Variants in RAI14 observed in about 807,000 individuals in gnomAD.
RAI14 encodes the protein retinoic acid induced 14.
Under a neutral mutation model 115.4 loss-of-function variants are expected in RAI14, and 45 were observed. The ratio of observed to expected loss-of-function variants is 0.39; its 90% CI spans 0.31 to 0.50. The LOEUF is 0.50. RAI14 is among the 20% of genes least tolerant of loss of function. The probability of loss-of-function intolerance (pLI) is 0.85; values close to 1 mark genes in which losing one functional copy is unlikely to be tolerated. For missense variants in RAI14, 939 were observed against 1,131.2 expected (o/e 0.83, Z 2.44); for synonymous variants, 371 against 415.4 (o/e 0.89, Z 1.30).
In RAI14 at chr5:34,665,198, TAC is replaced by T. The variant is rs1554037661; in HGVS notation, c.-49+8730_-49+8731del. On this transcript the variant is annotated intron_variant, in intron 1 of 17. Coordinates refer to ENST00000265109, the MANE Select transcript of RAI14 (RefSeq NM_015577.3). Reference sequence around the variant, plus strand: ...ACACACATATATATATGTATATATATACACACACCACAGTTTCTTTATCCACT... The same window carrying T: ...ACACACATATATATATGTATATATATACACACCACAGTTTCTTTATCCACT... 3.4e-4 allele frequency among the ~76,000 whole-genome samples: 26 copies of T among 75,708 alleles called. 6 individuals are homozygous for T. Among genetic ancestry groups the T allele is most frequent in the South Asian group, 1.3e-3 (3 of 2,316 alleles). The allele number at this position is 75,708 out of a possible 152,430, so 49.7% of individuals were successfully genotyped here. A position where few individuals can be genotyped will look rare whatever the true frequency, so the allele number is the denominator to read the frequency against.
chr5:34,817,593 A>G (rs538085224), intron 12 of RAI14, among the ~76,000 whole-genome samples: 2 of 152,364 alleles, frequency 1.3e-5, no homozygotes, highest in African/African-American at 4.8e-5. Context: ...AGCAAACCAA[A>G]TGTCCATGAA....
chr5:34,745,510 C>G (rs1188062265), intron 2 of RAI14, among the ~76,000 whole-genome samples: 2 of 152,168 alleles, frequency 1.3e-5, no homozygotes, highest in African/African-American at 4.8e-5. Context: ...AGGACCAGTC[C>G]CTGGACCTTG....
intron 3 of RAI14, among the ~76,000 whole-genome samples, chr5:34,767,840 G>T (rs960875713): frequency 1.3e-5 from 2 of 151,752 alleles, no homozygotes; most frequent in African/African-American, 4.8e-5. Context: ...GAAAGGAATT[G>T]TTTCTTATTA....
At chr5:34,730,653 G>T (rs1744059557) in intron 2 of RAI14, among the ~76,000 whole-genome samples, 1 of 151,892 alleles carries the variant, frequency 6.6e-6, no homozygotes, top group Admixed American at 6.6e-5. Context: ...TCCAGCTTGG[G>T]AGACAAACTG....
intron 4 of RAI14, among the ~76,000 whole-genome samples, chr5:34,797,186 A>C (rs944595987): frequency 5.9e-5 from 9 of 152,342 alleles, no homozygotes; most frequent in Middle Eastern, 6.8e-3. Context: ...ATTAGTGTTT[A>C]CTGGGATACA....
chr5:34,682,145 G>A (rs892359783), intron 1 of RAI14, among the ~76,000 whole-genome samples: 1 of 152,054 alleles, frequency 6.6e-6, no homozygotes, highest in Non-Finnish European at 1.5e-5. Flanking sequence ...ATGAGCCACC[G>A]TACCTGGCTA....
At chr5:34,769,701 G>T (rs894793713) in intron 3 of RAI14, among the ~76,000 whole-genome samples, 2 of 152,092 alleles carry the variant, frequency 1.3e-5, no homozygotes, top group African/African-American at 4.8e-5. Flanking sequence ...GCAGAGTTGA[G>T]ACCAAAATCA....
intron 1 of RAI14, among the ~76,000 whole-genome samples, chr5:34,671,037 C>T (rs894386029): frequency 6.6e-6 from 1 of 152,152 alleles, no homozygotes; most frequent in Non-Finnish European, 1.5e-5. Context: ...TCAGCCTCCA[C>T]TACAGAAAAC....
chr5:34,752,394 C>T (rs950011092), intron 2 of RAI14, among the ~76,000 whole-genome samples: 4 of 152,038 alleles, frequency 2.6e-5, no homozygotes, highest in Non-Finnish European at 5.9e-5. Flanking sequence ...GTTCTCAGGG[C>T]CTTCAGGGAG....
chr5:34,707,264 C>T (rs187331037), intron 2 of RAI14, among the ~76,000 whole-genome samples: 4 of 152,238 alleles, frequency 2.6e-5, no homozygotes, highest in East Asian at 3.9e-4. Context: ...GTCAGGAGTT[C>T]GAGACTAGCC....
At chr5:34,715,532 C>G (rs968592809) in intron 2 of RAI14, among the ~76,000 whole-genome samples, 1 of 152,196 alleles carries the variant, frequency 6.6e-6, no homozygotes, top group Non-Finnish European at 1.5e-5. Flanking sequence ...ATTCCTGTCT[C>G]GCTTTGACTT....
chr5:34,756,973 A>G (rs1303844453), intron 2 of RAI14, among the ~76,000 whole-genome samples: 1 of 152,198 alleles, frequency 6.6e-6, no homozygotes, highest in Non-Finnish European at 1.5e-5. Context: ...CTCAAAATTC[A>G]GGGCCTGGTA....
At chr5:34,804,978 G>T (rs1253784528) in intron 5 of RAI14, among the ~76,000 whole-genome samples, 1 of 152,148 alleles carries the variant, frequency 6.6e-6, no homozygotes, top group Non-Finnish European at 1.5e-5. Flanking sequence ...CTGACAAGCT[G>T]GATGTTCTCG....
rs752686610 is a variant in RAI14 at position 34,810,878 on chromosome 5, C to A, written c.451-134C>A. ...GTGACTCTATAGGGGTACAGAATATCAGGTTGGACCAGATACTAGATCAGC... is the reference window on the plus strand; with the variant it reads ...GTGACTCTATAGGGGTACAGAATATAAGGTTGGACCAGATACTAGATCAGC... On this transcript the variant is annotated intron_variant, in intron 7 of 17. Transcript: ENST00000265109. The A allele has an allele frequency of 8.0e-4, 1,070 of 1,340,152 alleles. 7 individuals carry two copies. Among genetic ancestry groups the A allele is most frequent in the Middle Eastern group, 1.1e-3 (6 of 5,220 alleles). 83.0% of individuals were successfully genotyped at this position (1,340,152 alleles called of 1,614,324 possible). A position where few individuals can be genotyped will look rare whatever the true frequency, so the allele number is the denominator to read the frequency against.
chr5:34,761,593 C>T (rs535913397), intron 3 of RAI14, among the ~76,000 whole-genome samples: 25 of 152,140 alleles, frequency 1.6e-4, no homozygotes, highest in Non-Finnish European at 3.1e-4. Flanking sequence ...GCCCCACTTA[C>T]CTACATCCTG....
At chr5:34,664,607 CTTAA>C (rs1254207905) in intron 1 of RAI14, among the ~76,000 whole-genome samples, 3 of 151,678 alleles carry the variant, frequency 2.0e-5, no homozygotes, top group Non-Finnish European at 2.9e-5. Flanking sequence ...GTTCAATTTG[CTTAA>C]TTAATTTATT....
chr5:34,728,981 T>C (rs1182567317), intron 2 of RAI14, among the ~76,000 whole-genome samples: 3 of 152,270 alleles, frequency 2.0e-5, no homozygotes, highest in African/African-American at 7.2e-5. Flanking sequence ...TTATAAAATG[T>C]CTGAATTTTG....
intron 2 of RAI14, among the ~76,000 whole-genome samples, chr5:34,691,078 T>C (rs1738528999): frequency 6.6e-6 from 1 of 152,020 alleles, no homozygotes; most frequent in Non-Finnish European, 1.5e-5. Context: ...ATGGGAGAAT[T>C]TGGGGAGCTT....
chr5:34,661,758 G>A (rs137937584), intron 1 of RAI14, among the ~76,000 whole-genome samples: 164 of 152,290 alleles, frequency 1.1e-3, no homozygotes, highest in Middle Eastern at 3.4e-3. Flanking sequence ...ACCAGTAGAT[G>A]CTGACTGTAT....
Sources: gnomAD v4.1 joint callset for allele counts (sites outside exome capture counted in the v4.1 genomes callset) on GRCh38, gnomAD v4.1.1 for gene constraint, MANE v1.5 for transcripts, NCBI Gene and HGNC (gene_info 2026-07-23, HGNC 2026-07-21) for gene names.